HTR2C: variants seen among roughly 807,000 people sequenced by gnomAD.
The protein encoded by HTR2C is 5-hydroxytryptamine receptor 2C.
Under a neutral mutation model 21.0 loss-of-function variants are expected in HTR2C, and 5 were observed. The observed-to-expected ratio is 0.24, with a 90% CI of 0.12 to 0.50. The LOEUF (loss-of-function observed/expected upper bound fraction) is 0.50, where lower values mean the gene tolerates loss of function less well. Among genes scored for constraint, HTR2C ranks in the 20% least tolerant of loss-of-function variants. HTR2C has a pLI of 0.98. For missense variants in HTR2C, 271 were observed against 371.2 expected (o/e 0.73, Z 2.22); for synonymous variants, 150 against 145.3 (o/e 1.03, Z -0.23).
At chrX:114,859,949 T>A (rs1287705926) in intron 5 of HTR2C, among the ~76,000 whole-genome samples, 1 of 111,756 alleles carries the variant, frequency 8.9e-6, no homozygotes, top group East Asian at 2.8e-4. Context: ...GTAGTTTAAT[T>A]TTCAGACTTC....
intron 2 of HTR2C, among the ~76,000 whole-genome samples, chrX:114,681,033 G>C (rs1486831816): frequency 9.0e-6 from 1 of 111,473 alleles, no homozygotes; most frequent in Non-Finnish European, 1.9e-5. Context: ...TTAGATGCTG[G>C]AAGGGAATGT....
intron 2 of HTR2C, among the ~76,000 whole-genome samples, chrX:114,706,586 G>C (rs1188785334): frequency 4.2e-5 from 4 of 94,831 alleles, no homozygotes; most frequent in African/African-American, 1.5e-4. Flanking sequence ...GGGAGGGATA[G>C]CATTAGTAGA....
At chrX:114,842,598 C>T (rs1050993739) in intron 4 of HTR2C, among the ~76,000 whole-genome samples, 7 of 111,653 alleles carry the variant, frequency 6.3e-5, no homozygotes, top group Non-Finnish European at 1.3e-4. Context: ...CTACACATGG[C>T]GTGCCTAAGG....
Position 114,906,838 on chromosome X carries a change from G to A in HTR2C, c.800G>A (p.Cys267Tyr), listed in dbSNP as rs2071377778. ...PGLSLDFLKC[C>Y]KRNTAEEENS... ...CTAAGTCTGGATTTCCTGAAGTGCT[G>A]CAAGAGGAATACGGCCGAGGAAGAG... The change falls in exon 6 of 6, where the codon TGC becomes TAC. Residue 267 changes from cysteine (C) to tyrosine (Y), a missense_variant. Physicochemically the swap from Cys to Tyr is radical, Grantham distance 194. Transcript: ENST00000276198. The A allele has an allele frequency of 8.3e-7, 1 of 1,208,748 alleles. No homozygotes were observed. The highest frequency in any genetic ancestry group is 3.0e-5 in the East Asian group (1 of 33,713).
At chrX:114,641,942 G>C (rs1556406582) in intron 2 of HTR2C, among the ~76,000 whole-genome samples, 1 of 110,779 alleles carries the variant, frequency 9.0e-6, no homozygotes, top group African/African-American at 3.3e-5. Context: ...TCCCCTCCCT[G>C]TGTCCACGTT....
In HTR2C at chrX:114,756,121, AAAACAACCCCCCC is replaced by A. The variant is rs1408188368; in HGVS notation, c.349+24515_349+24527del. ...AAGACCTTATCTCAAAAAACCATACAAAACAACCCCCCCCAAATCACAATGAGATACTACTCCA... is the reference window on the plus strand; with the variant it reads ...AAGACCTTATCTCAAAAAACCATACACAAATCACAATGAGATACTACTCCA... On this transcript the variant is annotated intron_variant, in intron 4 of 5. Transcript: ENST00000276198. Among the ~76,000 whole-genome samples, 4 of 37,349 alleles carry A rather than the reference AAAACAACCCCCCC, an allele frequency of 1.1e-4. No homozygotes were observed. In the Admixed American group the frequency reaches 2.3e-3, roughly 21 times the overall value. 32.4% of individuals were successfully genotyped at this position (37,349 alleles called of 115,157 possible). A position where few individuals can be genotyped will look rare whatever the true frequency, so the allele number is the denominator to read the frequency against.
intron 2 of HTR2C, among the ~76,000 whole-genome samples, chrX:114,660,468 T>G (rs782411673): frequency 8.9e-6 from 1 of 112,272 alleles, no homozygotes; most frequent in East Asian, 2.8e-4. Flanking sequence ...TTCTCCAAAA[T>G]TGCTAATTAG....
At chrX:114,671,332 G>T (rs1931371519) in intron 2 of HTR2C, among the ~76,000 whole-genome samples, 1 of 112,089 alleles carries the variant, frequency 8.9e-6, no homozygotes, top group African/African-American at 3.2e-5. Context: ...CAATTAAATA[G>T]AAATATAGTT....
At chrX:114,647,432 G>A (rs1277951024) in intron 2 of HTR2C, among the ~76,000 whole-genome samples, 3 of 111,574 alleles carry the variant, frequency 2.7e-5, no homozygotes, top group Non-Finnish European at 5.6e-5. Flanking sequence ...TTTCCAGCAT[G>A]AAAAATGGTC....
intron 4 of HTR2C, among the ~76,000 whole-genome samples, chrX:114,772,396 T>G (rs2070013292): frequency 9.3e-6 from 1 of 108,097 alleles, no homozygotes; most frequent in Non-Finnish European, 1.9e-5. Context: ...GTTGCTTTAT[T>G]TAAATTAGGT....
At chrX:114,816,696 G>A (rs1233471911) in intron 4 of HTR2C, among the ~76,000 whole-genome samples, 1 of 110,372 alleles carries the variant, frequency 9.1e-6, no homozygotes, top group Non-Finnish European at 1.9e-5. Context: ...AATAATGTGT[G>A]GCTATAGGAT....
intron 4 of HTR2C, among the ~76,000 whole-genome samples, chrX:114,834,326 G>A (rs1419194628): frequency 4.3e-4 from 45 of 105,274 alleles, no homozygotes; most frequent in Non-Finnish European, 4.1e-4. Flanking sequence ...TTATTAATGT[G>A]TGGGAGTCTA....
At chrX:114,799,994 G>A (rs1315941247) in intron 4 of HTR2C, among the ~76,000 whole-genome samples, 1 of 110,924 alleles carries the variant, frequency 9.0e-6, no homozygotes, top group African/African-American at 3.3e-5. Context: ...CTATGTGTGA[G>A]GCACTGTTCT....
intron 2 of HTR2C, among the ~76,000 whole-genome samples, chrX:114,726,059 G>T (rs1170418334): frequency 1.8e-5 from 2 of 111,966 alleles, no homozygotes; most frequent in South Asian, 7.4e-4. Flanking sequence ...CGAGCTTCCG[G>T]GCTGCTTTGT....
At chrX:114,640,114 ATACT>A (rs782538694) in intron 2 of HTR2C, among the ~76,000 whole-genome samples, 36 of 111,688 alleles carry the variant, frequency 3.2e-4, no homozygotes, top group Non-Finnish European at 5.3e-4. Flanking sequence ...TATTTATATA[ATACT>A]TAATATATGA....
chrX:114,778,380 A>T (rs2070080391), intron 4 of HTR2C, among the ~76,000 whole-genome samples: 1 of 111,912 alleles, frequency 8.9e-6, no homozygotes, highest in African/African-American at 3.2e-5. Flanking sequence ...TTTAATTATT[A>T]ACAAAATTAT....
At chrX:114,768,101 C>T (rs2069963953) in intron 4 of HTR2C, among the ~76,000 whole-genome samples, 1 of 111,322 alleles carries the variant, frequency 9.0e-6, no homozygotes, top group African/African-American at 3.2e-5. Flanking sequence ...TAGCCTTTAG[C>T]ATTAATTCTG....
At chrX:114,758,645 C>A (rs993264155) in intron 4 of HTR2C, among the ~76,000 whole-genome samples, 1 of 111,646 alleles carries the variant, frequency 9.0e-6, no homozygotes, top group East Asian at 2.8e-4. Context: ...TATAAGACTT[C>A]TATGCCAGCC....
At chrX:114,856,503 C>T (rs2070963424) in intron 5 of HTR2C, among the ~76,000 whole-genome samples, 1 of 102,039 alleles carries the variant, frequency 9.8e-6, no homozygotes, top group Non-Finnish European at 2.0e-5. Context: ...AAAAAGAGCC[C>T]GCATCGCCAA....
Sources: allele counts gnomAD v4.1 joint callset (sites outside exome capture counted in the v4.1 genomes callset), GRCh38; gene constraint gnomAD v4.1.1; transcripts MANE v1.5; gene names NCBI Gene and HGNC (gene_info 2026-07-23, HGNC 2026-07-21).